The following ARHGAP44 variants were observed in gnomAD, a reference collection of about 807,000 sequenced individuals.
ARHGAP44 encodes Rho GTPase activating protein 44.
ARHGAP44 carries 43 observed loss-of-function variants against 106.8 expected under a neutral mutation model. That is an observed-to-expected ratio of 0.40 (90% CI 0.32 to 0.52). The LOEUF (loss-of-function observed/expected upper bound fraction) is 0.52, where lower values mean the gene tolerates loss of function less well. Ranked by LOEUF, ARHGAP44 falls within the 20% of genes least tolerant of loss-of-function variation. The pLI is 0.48. For missense variants in ARHGAP44, 866 were observed against 1,050.5 expected, an observed-to-expected ratio of 0.82 and a Z score of 2.43; for synonymous variants, 439 against 410.3, an observed-to-expected ratio of 1.07 and a Z score of -0.85.
Position 12,822,145 on chromosome 17 carries a change from T to A in ARHGAP44, c.53+32254T>A, listed in dbSNP as rs1456965843. Among the ~76,000 whole-genome samples, 4 of 152,318 alleles carry A rather than the reference T, an allele frequency of 2.6e-5. No homozygotes were observed. In the East Asian group the frequency reaches 7.7e-4, roughly 29 times the overall value. The stretch of plus-strand genomic sequence containing the variant: ...AACTTTCCTGTACAGGGCCAGGCAG[T>A]AAATATTTTAGGCTTTGTGGGAAAC... On this transcript the variant is annotated intron_variant, in intron 1 of 20. Transcript: ENST00000379672.
intron 1 of ARHGAP44, among the ~76,000 whole-genome samples, chr17:12,841,550 C>G (rs1002761483): frequency 4.0e-5 from 6 of 149,342 alleles, no homozygotes; most frequent in Non-Finnish European, 8.9e-5. Context: ...CCACTGCACT[C>G]CAGCCTGGGC....
At chr17:12,933,550 G>T (rs12940520) in intron 7 of ARHGAP44, among the ~76,000 whole-genome samples, 37,499 of 152,060 alleles carry the variant, frequency 0.25, 4,988 homozygotes, top group East Asian at 0.54. Context: ...AGTGGTACTT[G>T]CTTTCTCTTT....
chr17:12,878,877 T>C (rs1388132736), intron 1 of ARHGAP44, among the ~76,000 whole-genome samples: 1 of 152,250 alleles, frequency 6.6e-6, no homozygotes, highest in Non-Finnish European at 1.5e-5. Flanking sequence ...AAGAACAAAT[T>C]TAAGCAGAAT....
intron 1 of ARHGAP44, among the ~76,000 whole-genome samples, chr17:12,874,985 GGAAGATTTAGAAGACATT>G (rs1453691300): frequency 2.0e-5 from 3 of 151,808 alleles, no homozygotes. Context: ...TGGAAAATGG[GGAAGATTTAGAAGACATT>G]GAAGAGATGA....
chr17:12,970,288 C>T (rs1335635839), intron 16 of ARHGAP44, among the ~76,000 whole-genome samples: 1 of 150,128 alleles, frequency 6.7e-6, no homozygotes, highest in African/African-American at 2.5e-5. Context: ...ATCACTTGAA[C>T]CCGAGAAGTT....
Position 12,913,968 on chromosome 17 carries a change from C to CAAAA in ARHGAP44, c.276-1913_276-1910dup, listed in dbSNP as rs58231055. 7.9e-3 allele frequency among the ~76,000 whole-genome samples: 500 copies of CAAAA among 63,418 alleles called. 23 individuals carry two copies. Among genetic ancestry groups the CAAAA allele is most frequent in the South Asian group, 0.016 (23 of 1,426 alleles). The allele number at this position is 63,418 out of a possible 152,430, so 41.6% of individuals were successfully genotyped here. A position where few individuals can be genotyped will look rare whatever the true frequency, so the allele number is the denominator to read the frequency against. On this transcript the variant is annotated intron_variant, in intron 4 of 20. Transcript: ENST00000379672. ...TGGGTGATAGAGTGAGATTTTGTCT[C>CAAAA]AAAAAAAAAAAAAAAAAAAAAAGGC...
At chr17:12,950,765 A>G (rs2038974352) in intron 12 of ARHGAP44, among the ~76,000 whole-genome samples, 1 of 152,178 alleles carries the variant, frequency 6.6e-6, no homozygotes, top group Non-Finnish European at 1.5e-5. Flanking sequence ...GAGCAGGACT[A>G]GAGCAAATAG....
At chr17:12,912,903 T>TAA (rs2037783167) in intron 4 of ARHGAP44, among the ~76,000 whole-genome samples, 1 of 152,166 alleles carries the variant, frequency 6.6e-6, no homozygotes, top group African/African-American at 2.4e-5. Flanking sequence ...CTCAGCAAGC[T>TAA]AAAGCAAGAC....
intron 9 of ARHGAP44, 21 bp from the exon 10 acceptor site, chr17:12,944,048 C>T: frequency 6.3e-7 from 1 of 1,580,546 alleles, no homozygotes; most frequent in East Asian, 2.3e-5. Context: ...CTGACTGACT[C>T]TTTCTCACTC....
chr17:12,878,246 C>T lies in ARHGAP44; in HGVS notation c.54-16694C>T, dbSNP rs193009709. Among the ~76,000 whole-genome samples the T allele has an allele frequency of 2.7e-3, 413 of 150,848 alleles. 1 individual carries two copies. The highest frequency in any genetic ancestry group is 3.4e-3 in the Non-Finnish European group (228 of 67,740). ...AGAACCTTTTTTTTTTTCAGAGCGT[C>T]TTATGAATCTATTTTTTCATGGAAC... On this transcript the variant is annotated intron_variant, in intron 1 of 20. Transcript: ENST00000379672.
chr17:12,808,245 G>A (rs890256365), intron 1 of ARHGAP44, among the ~76,000 whole-genome samples: 2 of 152,232 alleles, frequency 1.3e-5, no homozygotes, highest in Non-Finnish European at 2.9e-5. Context: ...CAAGCGGTCA[G>A]TGGATCTTCC....
At chr17:12,811,326 A>G (rs2034435688) in intron 1 of ARHGAP44, among the ~76,000 whole-genome samples, 1 of 151,932 alleles carries the variant, frequency 6.6e-6, no homozygotes, top group African/African-American at 2.4e-5. Context: ...AAAAAAAAAA[A>G]AAATCGTAAG....
Position 12,789,817 on chromosome 17 carries a change from C to A in ARHGAP44, c.-22C>A, listed in dbSNP as rs980856835. Reference sequence around the variant, plus strand: ...GCTCCGTCCTTCCCCAGCTCCCGGGCTAGCGCGGCAGCGGGGCCACGATGA... The same window carrying A: ...GCTCCGTCCTTCCCCAGCTCCCGGGATAGCGCGGCAGCGGGGCCACGATGA... On this transcript the variant is annotated 5_prime_UTR_variant, in exon 1 of 21. Transcript: ENST00000379672. 2 of 1,500,472 alleles carry A rather than the reference C, an allele frequency of 1.3e-6. No homozygotes were observed. Among genetic ancestry groups the A allele is most frequent in the East Asian group, 2.9e-5 (1 of 34,208 alleles). The allele number at this position is 1,500,472 out of a possible 1,614,324, so 92.9% of individuals were successfully genotyped here.
intron 6 of ARHGAP44, 130 bp downstream of exon 6, chr17:12,919,961 A>C: frequency 1.5e-6 from 1 of 681,358 alleles, no homozygotes; most frequent in East Asian, 2.8e-5. Context: ...TGTACCAGGC[A>C]CTGGAGGTAG....
chr17:12,929,020 G>A lies in ARHGAP44; in HGVS notation c.556G>A (p.Ala186Thr), dbSNP rs773242952. The change falls in exon 7 of 21, where the codon GCT becomes ACT. Residue 186 changes from alanine to threonine, a missense_variant. This residue lies in a region of ARHGAP44 where 448 missense variants were observed against 646.9 expected (regional missense o/e 0.69). Transcript: ENST00000379672. Reference protein sequence around the residue: ...ADALREEMEEAANRVEICRDQ... With the variant: ...ADALREEMEETANRVEICRDQ... ...TGCCCTCAGGGAAGAAATGGAAGAG[G>A]CTGCCAACAGAGTGGAGATTTGCAG... 3.5e-5 allele frequency: 57 copies of A among 1,612,744 alleles called. No individual in the cohort carries two copies. The highest frequency in any genetic ancestry group is 1.6e-4 in the Middle Eastern group (1 of 6,080).
chr17:12,849,568 CTTTTTTTTT>C (rs776346185), intron 1 of ARHGAP44, among the ~76,000 whole-genome samples: 10 of 69,958 alleles, frequency 1.4e-4, no homozygotes, highest in African/African-American at 6.2e-4. Flanking sequence ...TACTTTTGTC[CTTTTTTTTT>C]TTTTTTTTTT....
chr17:12,885,285 T>C (rs978238184), intron 1 of ARHGAP44, among the ~76,000 whole-genome samples: 1 of 152,118 alleles, frequency 6.6e-6, no homozygotes, highest in African/African-American at 2.4e-5. Context: ...TCCAGATTTT[T>C]AGTATTACAA....
At chr17:12,963,038 C>T (rs2039300627) in intron 16 of ARHGAP44, among the ~76,000 whole-genome samples, 1 of 111,064 alleles carries the variant, frequency 9.0e-6, no homozygotes, top group South Asian at 3.4e-4. Flanking sequence ...AGGAGTGAAA[C>T]ACCATCTCAA....
At position 12,915,948 on chromosome 17, in the gene ARHGAP44, G is replaced by A; in HGVS notation, c.324G>A (p.Glu108=). The A allele has an allele frequency of 1.2e-6, 2 of 1,613,936 alleles. No homozygotes were observed. Among genetic ancestry groups the A allele is most frequent in the Non-Finnish European group, 1.7e-6 (2 of 1,179,872 alleles). The change falls in exon 5 of 21, where the codon GAG becomes GAA. Residue 108 remains glutamate, a synonymous_variant. Coordinates refer to ENST00000379672, the MANE Select transcript of ARHGAP44 (RefSeq NM_014859.6). The part of the protein sequence containing the change: ...CGETEDKLAQ[E]LIHFELQVER... ...AGACGGAGGACAAGCTGGCTCAGGAGCTGATACATTTTGAGTTGCAAGTAG... is the reference window on the plus strand; with the variant it reads ...AGACGGAGGACAAGCTGGCTCAGGAACTGATACATTTTGAGTTGCAAGTAG...
Sources: allele counts gnomAD v4.1 joint callset (sites outside exome capture counted in the v4.1 genomes callset), GRCh38; gene constraint gnomAD v4.1.1; regional missense constraint gnomAD v4.1.1; transcripts MANE v1.5; gene names NCBI Gene and HGNC (gene_info 2026-07-23, HGNC 2026-07-21).